The following WASHC4 variants were observed in gnomAD, a reference collection of about 807,000 sequenced individuals.
The protein encoded by WASHC4 is WASH complex subunit 7.
Under a neutral mutation model 166.6 loss-of-function variants are expected in WASHC4, and 86 were observed. The ratio of observed to expected loss-of-function variants is 0.52; its 90% CI spans 0.43 to 0.62. The LOEUF is 0.62. WASHC4 is among the 20% of genes least tolerant of loss of function. The probability of loss-of-function intolerance (pLI) is 0.00; values close to 1 mark genes in which losing one functional copy is unlikely to be tolerated. For missense variants in WASHC4, 1,262 were observed against 1,382.4 expected (o/e 0.91, Z 1.38); for synonymous variants, 446 against 451.6 (o/e 0.99, Z 0.16).
intron 6 of WASHC4, 119 bp downstream of exon 6, chr12:105,115,847 C>G (rs1880131464): frequency 4.1e-6 from 3 of 727,258 alleles, no homozygotes; most frequent in Non-Finnish European, 7.5e-6. Context: ...GGATAAGACA[C>G]TTAATTAGCA....
intron 32 of WASHC4, among the ~76,000 whole-genome samples, chr12:105,165,359 AT>A (rs1356169213): frequency 1.3e-5 from 2 of 152,214 alleles, no homozygotes; most frequent in Non-Finnish European, 2.9e-5. Flanking sequence ...TCAGTGTTTC[AT>A]ATTTAATGTC....
At chr12:105,152,019 C>T (rs1317934684) in intron 25 of WASHC4, among the ~76,000 whole-genome samples, 2 of 152,118 alleles carry the variant, frequency 1.3e-5, no homozygotes, top group Admixed American at 1.3e-4. Context: ...CCCACAGAAA[C>T]TTGGTCACAC....
chr12:105,140,038 A>C (rs753978414), intron 15 of WASHC4, among the ~76,000 whole-genome samples: 18 of 151,828 alleles, frequency 1.2e-4, no homozygotes, highest in Non-Finnish European at 2.6e-4. Context: ...TGCCCGGCTA[A>C]TTTTTGTATT....
chr12:105,154,171 C>T (rs899854384), intron 26 of WASHC4, among the ~76,000 whole-genome samples: 2 of 151,954 alleles, frequency 1.3e-5, no homozygotes, highest in African/African-American at 2.4e-5. Context: ...TATGGGACTT[C>T]AGGTGCATGC....
intron 14 of WASHC4, 37 bp from the exon 15 acceptor site, chr12:105,137,849 C>A (rs1318838202): frequency 6.4e-7 from 1 of 1,557,988 alleles, no homozygotes; most frequent in South Asian, 1.1e-5. Context: ...TGAAGAAAAT[C>A]TTTCCTTGTG....
At position 105,123,229 on chromosome 12, in the gene WASHC4, G is replaced by A. The variant is rs189203353; in HGVS notation, c.786+991G>A. Among the ~76,000 whole-genome samples, 878 of 152,196 alleles carry A rather than the reference G, an allele frequency of 5.8e-3. 10 individuals carry two copies. The highest frequency in any genetic ancestry group is 0.02 in the African/African-American group (818 of 41,532). On this transcript the variant is annotated intron_variant, in intron 10 of 32. Coordinates refer to ENST00000332180, the MANE Select transcript of WASHC4 (RefSeq NM_015275.3). ...CTCGGGAAGCTGAGGCAGGAGAATCGCTTGAACCTGGGAGGCAGAGGTTGC... is the reference window on the plus strand; with the variant it reads ...CTCGGGAAGCTGAGGCAGGAGAATCACTTGAACCTGGGAGGCAGAGGTTGC...
intron 13 of WASHC4, among the ~76,000 whole-genome samples, chr12:105,131,091 T>A (rs1881769111): frequency 6.7e-6 from 1 of 150,348 alleles, no homozygotes. Context: ...TATTTTTTTT[T>A]TTTTTTGAGA....
rs1182464486 is a variant in WASHC4 at position 105,138,046 on chromosome 12, T to A, written c.1452+35T>A. On this transcript the variant is annotated intron_variant, in intron 15 of 32. Transcript: ENST00000332180. ...AGATTATTTTACTGCTCCATCATAA[T>A]TGAGAAATGACCCAGGCTTAAATTA... 7 of 1,598,234 alleles carry A rather than the reference T, an allele frequency of 4.4e-6. No individual in the cohort carries two copies. In the Middle Eastern group the frequency reaches 8.4e-4, roughly 191 times the overall value.
At chr12:105,162,515 T>C (rs1884561540) in intron 29 of WASHC4, among the ~76,000 whole-genome samples, 1 of 152,120 alleles carries the variant, frequency 6.6e-6, no homozygotes, top group African/African-American at 2.4e-5. Flanking sequence ...ATTGAGGGAG[T>C]GCCCATATTT....
At chr12:105,113,592 A>G (rs567220772) in intron 2 of WASHC4, among the ~76,000 whole-genome samples, 59 of 152,206 alleles carry the variant, frequency 3.9e-4, no homozygotes, top group Non-Finnish European at 5.7e-4. Flanking sequence ...AAAAATTACA[A>G]CCTAATGAGA....
chr12:105,154,284 G>C (rs1424327460), intron 26 of WASHC4, among the ~76,000 whole-genome samples: 2 of 152,080 alleles, frequency 1.3e-5, no homozygotes, highest in African/African-American at 4.8e-5. Flanking sequence ...CCGCCTCTGT[G>C]TCCCAAAGTG....
At chr12:105,127,389 T>A in intron 13 of WASHC4, 100 bp downstream of exon 13, 1 of 913,104 alleles carries the variant, frequency 1.1e-6, no homozygotes, top group Non-Finnish European at 1.7e-6. Context: ...ATTATAAGAT[T>A]AAATGTACTT....
At chr12:105,165,988 A>G (rs1442070594) in intron 32 of WASHC4, among the ~76,000 whole-genome samples, 2 of 152,224 alleles carry the variant, frequency 1.3e-5, no homozygotes, top group African/African-American at 4.8e-5. Flanking sequence ...AGTTCTGCTC[A>G]TGTGTTTCAT....
intron 26 of WASHC4, among the ~76,000 whole-genome samples, chr12:105,153,700 A>T (rs1166800905): frequency 1.1e-4 from 16 of 152,214 alleles, no homozygotes; most frequent in Admixed American, 1.0e-3. Context: ...TGGACCTCAG[A>T]TTAAGAGCTG....
chr12:105,134,177 CTG>C (rs567823185), intron 14 of WASHC4, among the ~76,000 whole-genome samples: 238 of 152,104 alleles, frequency 1.6e-3, no homozygotes, highest in African/African-American at 5.2e-3. Context: ...TTTATTATAA[CTG>C]TGGGCTTTTT....
chr12:105,122,015 CAAG>C (rs1880796584), intron 9 of WASHC4, 100 bp from the exon 10 acceptor site: 8 of 806,350 alleles, frequency 9.9e-6, no homozygotes, highest in African/African-American at 5.3e-5. Flanking sequence ...TAGAGCCAAA[CAAG>C]AAATATAAAT....
Position 105,160,131 on chromosome 12 carries a change from A to G in WASHC4, c.3043A>G (p.Ile1015Val), listed in dbSNP as rs369971764. ...PKNIHLRNFY[I>V]IVPPLTLNFV... ...GAATATACATCTCCGAAATTTCTATATAATTGTTCCCCCTCTGGTGAGTAT... is the reference window on the plus strand; with the variant it reads ...GAATATACATCTCCGAAATTTCTATGTAATTGTTCCCCCTCTGGTGAGTAT... Residue 1015 changes from isoleucine to valine, a missense_variant, in exon 29 of 33, where the codon ATA (isoleucine) becomes GTA (valine). Coordinates refer to ENST00000332180, the MANE Select transcript of WASHC4 (RefSeq NM_015275.3). 5 of 1,613,786 alleles carry G rather than the reference A, an allele frequency of 3.1e-6. No homozygotes were observed. The African/African-American group carries it at 4.0e-5, about 13-fold the overall frequency.
At chr12:105,147,360 T>C (rs1245401369) in intron 24 of WASHC4, 2 of 554,470 alleles carry the variant, frequency 3.6e-6, no homozygotes, top group Non-Finnish European at 6.4e-6. Flanking sequence ...TAGGGTAGAT[T>C]ACCATCTCAG....
chr12:105,144,492 C>CTTT (rs370837338), intron 21 of WASHC4, 37 bp downstream of exon 21: 112 of 1,338,974 alleles, frequency 8.4e-5, no homozygotes, highest in African/African-American at 4.2e-4. Context: ...GTCATATTCT[C>CTTT]TTTTTTTTTT....
Sources: gnomAD v4.1 joint callset for allele counts (sites outside exome capture counted in the v4.1 genomes callset) on GRCh38, gnomAD v4.1.1 for gene constraint, MANE v1.5 for transcripts, NCBI Gene and HGNC (gene_info 2026-07-23, HGNC 2026-07-21) for gene names.